FGF14: variants seen among roughly 807,000 people sequenced by gnomAD.
FGF14 encodes the protein fibroblast growth factor 14, also known as fibroblast growth factor homologous factor 4.
In FGF14, 5 loss-of-function variants were observed where a neutral mutation model predicts 25.5. The observed-to-expected ratio is 0.20, with a 90% CI of 0.10 to 0.41. The LOEUF (loss-of-function observed/expected upper bound fraction) is 0.41. FGF14 is among the 10% of genes least tolerant of loss of function. The pLI is 1.00. For missense variants in FGF14, 222 were observed against 320.1 expected, an observed-to-expected ratio of 0.69 and a Z score of 2.34; for synonymous variants, 138 against 118.3, an observed-to-expected ratio of 1.17 and a Z score of -1.08.
rs548023577 is a variant in FGF14 at position 102,257,583 on chromosome 13, T to C, written c.208+143888A>G. On this transcript the variant is annotated intron_variant, in intron 1 of 4. Transcript: ENST00000376131. ...CCTGACCTGAAGTGATCCACCTGCC[T>C]TGGCCTCCCAAAGTGCTAGGATTAG... Among the ~76,000 whole-genome samples, 9 of 152,116 alleles carry C rather than the reference T, an allele frequency of 5.9e-5. No homozygotes were observed. In the East Asian group the frequency reaches 1.7e-3, roughly 30 times the overall value.
At chr13:102,250,227 C>T (rs1465186944) in intron 1 of FGF14, among the ~76,000 whole-genome samples, 2 of 152,258 alleles carry the variant, frequency 1.3e-5, no homozygotes, top group Middle Eastern at 3.4e-3. Context: ...AGGAGTTAAA[C>T]GCAGTTACCA....
intron 4 of FGF14, among the ~76,000 whole-genome samples, chr13:101,725,623 A>G (rs1045026598): frequency 6.6e-6 from 1 of 152,088 alleles, no homozygotes; most frequent in Non-Finnish European, 1.5e-5. Context: ...GAGAATATGC[A>G]TTATGAAAAC....
At position 101,719,297 on chromosome 13, in the gene FGF14, T is replaced by TATG. The variant is rs1377142540; in HGVS notation, c.*3531_*3533dup. ...AGCATTAATTAAGCAAGTGGCTAGGTATGATAAAGAACTTCTGCTTGCTCC... is the reference window on the plus strand; with the variant it reads ...AGCATTAATTAAGCAAGTGGCTAGGTATGATGATAAAGAACTTCTGCTTGCTCC... On this transcript the variant is annotated 3_prime_UTR_variant, in exon 5 of 5. Transcript: ENST00000376143. 1.3e-5 allele frequency: 2 copies of TATG among 152,066 alleles called. No individual in the cohort carries two copies. Among genetic ancestry groups the TATG allele is most frequent in the Admixed American group, 1.3e-4 (2 of 15,236 alleles). 9.4% of individuals were successfully genotyped at this position (152,066 alleles called of 1,614,324 possible).
intron 1 of FGF14, among the ~76,000 whole-genome samples, chr13:102,247,357 T>A (rs1299293148): frequency 6.6e-6 from 1 of 151,804 alleles, no homozygotes; most frequent in South Asian, 2.1e-4. Context: ...ATATCCAGCA[T>A]CTATAAAGAA....
At chr13:102,139,694 A>T (rs2046557782) in intron 1 of FGF14, among the ~76,000 whole-genome samples, 1 of 152,112 alleles carries the variant, frequency 6.6e-6, no homozygotes, top group Non-Finnish European at 1.5e-5. Context: ...CACTGGGCAG[A>T]GGAGTGAGAA....
intron 1 of FGF14, among the ~76,000 whole-genome samples, chr13:101,998,286 G>T (rs908509386): frequency 5.9e-5 from 9 of 152,158 alleles, no homozygotes; most frequent in Non-Finnish European, 1.3e-4. Context: ...GTACAATTAT[G>T]CAGTATAAGG....
intron 1 of FGF14, among the ~76,000 whole-genome samples, chr13:102,310,311 CACTT>C (rs1160975792): frequency 6.6e-6 from 1 of 152,160 alleles, no homozygotes; most frequent in Non-Finnish European, 1.5e-5. Context: ...CCCCTTTCCT[CACTT>C]AGAGTATATT....
At chr13:101,843,311 G>A (rs935998285) in intron 3 of FGF14, among the ~76,000 whole-genome samples, 1 of 151,978 alleles carries the variant, frequency 6.6e-6, no homozygotes, top group African/African-American at 2.4e-5. Flanking sequence ...AGGGGGCGAT[G>A]TGTATTACAA....
intron 1 of FGF14, among the ~76,000 whole-genome samples, chr13:101,950,594 C>A (rs960994901): frequency 1.3e-5 from 2 of 152,140 alleles, no homozygotes; most frequent in African/African-American, 4.8e-5. Flanking sequence ...CTGAAACCAG[C>A]CTCTCAAAGA....
At chr13:102,101,985 G>T (rs959201090) in intron 1 of FGF14, among the ~76,000 whole-genome samples, 3 of 152,128 alleles carry the variant, frequency 2.0e-5, no homozygotes, top group African/African-American at 7.2e-5. Context: ...TTACAGGCGT[G>T]AGCCACCACA....
intron 1 of FGF14, among the ~76,000 whole-genome samples, chr13:102,181,053 G>T (rs1228855292): frequency 6.6e-6 from 1 of 152,132 alleles, no homozygotes; most frequent in African/African-American, 2.4e-5. Context: ...GCTACAGCCT[G>T]CAGGCCAAAT....
chr13:102,060,726 T>G lies in FGF14; in HGVS notation c.209-185430A>C, dbSNP rs143157888. Among the ~76,000 whole-genome samples, 1,200 of 152,168 alleles carry G rather than the reference T, an allele frequency of 7.9e-3. 11 individuals are homozygous for G. The highest frequency in any genetic ancestry group is 0.014 in the Non-Finnish European group (939 of 68,010). On this transcript the variant is annotated intron_variant, in intron 1 of 4. Transcript: ENST00000376131. ...GTTGGGGGAGCAGGGAAGTGCTGGG[T>G]AGATAAGGGCAGGGTCCCTGGCGAG...
chr13:101,825,519 A>G (rs2042355434), intron 3 of FGF14, among the ~76,000 whole-genome samples: 1 of 152,186 alleles, frequency 6.6e-6, no homozygotes, highest in Non-Finnish European at 1.5e-5. Flanking sequence ...TTATTAAGAA[A>G]TCTAGAATAG....
At chr13:102,094,259 C>T (rs895072161) in intron 1 of FGF14, among the ~76,000 whole-genome samples, 3 of 152,156 alleles carry the variant, frequency 2.0e-5, no homozygotes, top group African/African-American at 7.2e-5. Flanking sequence ...AAAGCAAAGT[C>T]ATGGTATGAC....
intron 1 of FGF14, among the ~76,000 whole-genome samples, chr13:102,039,692 A>C (rs529481566): frequency 2.2e-4 from 34 of 152,270 alleles, no homozygotes; most frequent in African/African-American, 7.2e-4. Flanking sequence ...TACGTCTGCT[A>C]AGACCCAATT....
chr13:102,036,662 A>AGGAGG (rs2041489889), intron 1 of FGF14, among the ~76,000 whole-genome samples: 1 of 151,692 alleles, frequency 6.6e-6, no homozygotes, highest in Non-Finnish European at 1.5e-5. Flanking sequence ...GAGGAAACAG[A>AGGAGG]AGGAGGAGGA....
chr13:101,999,994 A>T (rs2039394608), intron 1 of FGF14, among the ~76,000 whole-genome samples: 1 of 152,182 alleles, frequency 6.6e-6, no homozygotes, highest in Non-Finnish European at 1.5e-5. Flanking sequence ...TATAAAACCT[A>T]TATACTGAAG....
intron 1 of FGF14, among the ~76,000 whole-genome samples, chr13:102,318,823 A>G (rs2056134098): frequency 6.6e-6 from 1 of 152,162 alleles, no homozygotes; most frequent in Non-Finnish European, 1.5e-5. Context: ...AACTCCAGGA[A>G]TGACATTGAT....
chr13:101,722,336 CAG>C lies in FGF14; in HGVS notation c.*493_*494del. 1 of 199,022 alleles carries C rather than the reference CAG, an allele frequency of 5.0e-6. No homozygotes were observed. The highest frequency in any genetic ancestry group is 1.0e-5 in the Non-Finnish European group (1 of 96,668). 12.3% of individuals were successfully genotyped at this position (199,022 alleles called of 1,614,324 possible). A position where few individuals can be genotyped will look rare whatever the true frequency, so the allele number is the denominator to read the frequency against. ...GGAACAAAATCCCTGCAAAAGGTCA[CAG>C]ACAGTGGAGCGAGCAGCCCTGTAAA... On this transcript the variant is annotated 3_prime_UTR_variant, in exon 5 of 5. Transcript: ENST00000376143.
Sources: allele counts gnomAD v4.1 joint callset (sites outside exome capture counted in the v4.1 genomes callset), GRCh38; gene constraint gnomAD v4.1.1; transcripts MANE v1.5; gene names NCBI Gene and HGNC (gene_info 2026-07-23, HGNC 2026-07-21).